Variants in PDE1A observed in about 807,000 individuals in gnomAD.
The protein encoded by PDE1A is phosphodiesterase 1A, also known as dual specificity calcium/calmodulin-dependent 3',5'-cyclic nucleotide phosphodiesterase 1A.
PDE1A carries 35 observed loss-of-function variants against 61.7 expected under a neutral mutation model. The observed-to-expected ratio is 0.57, with a 90% CI of 0.43 to 0.75. The LOEUF (loss-of-function observed/expected upper bound fraction) is 0.75. Among genes scored for constraint, PDE1A ranks in the 30% least tolerant of loss-of-function variants. The probability of loss-of-function intolerance (pLI) is 0.00; values close to 1 mark genes in which losing one functional copy is unlikely to be tolerated. For missense variants in PDE1A, 597 were observed against 630.6 expected, an observed-to-expected ratio of 0.95 and a Z score of 0.57; for synonymous variants, 232 against 213.2, an observed-to-expected ratio of 1.09 and a Z score of -0.77.
chr2:182,497,886 T>C (rs568549570), intron 2 of PDE1A, among the ~76,000 whole-genome samples: 2 of 149,406 alleles, frequency 1.3e-5, no homozygotes, highest in South Asian at 2.1e-4. Context: ...ACTGAAAAAA[T>C]ACAAAAAAAA....
intron 13 of PDE1A, among the ~76,000 whole-genome samples, chr2:182,161,815 G>T (rs1185471548): frequency 6.6e-6 from 1 of 152,070 alleles, no homozygotes; most frequent in Non-Finnish European, 1.5e-5. Flanking sequence ...AAAGAATAAG[G>T]TCAAATTTAT....
At chr2:182,597,656 A>G in the PDE1A span, among the ~76,000 whole-genome samples, 1 of 152,230 alleles carries the variant, frequency 6.6e-6, no homozygotes, top group African/African-American at 2.4e-5. Context: ...ACTTTTTCAC[A>G]TGTAAATAGA....
intron 2 of PDE1A, among the ~76,000 whole-genome samples, chr2:182,249,533 A>G (rs1384691077): frequency 6.6e-6 from 1 of 152,128 alleles, no homozygotes; most frequent in Non-Finnish European, 1.5e-5. Flanking sequence ...CCTGGGGCTA[A>G]AGGTGGTACT....
chr2:182,501,256 C>T (rs1689068378), intron 2 of PDE1A, among the ~76,000 whole-genome samples: 1 of 152,194 alleles, frequency 6.6e-6, no homozygotes, highest in Non-Finnish European at 1.5e-5. Flanking sequence ...CCTGTTGCTA[C>T]TGATCCATAC....
chr2:182,602,348 C>G, the PDE1A span, among the ~76,000 whole-genome samples: 1 of 152,254 alleles, frequency 6.6e-6, no homozygotes, highest in Non-Finnish European at 1.5e-5. Flanking sequence ...AGCATGATGA[C>G]AGCGGTTGTG....
chr2:182,637,923 A>G, the PDE1A span, among the ~76,000 whole-genome samples: 3 of 152,316 alleles, frequency 2.0e-5, no homozygotes, highest in South Asian at 6.2e-4. Context: ...CTCTGTCTCA[A>G]AAAAACAAAA....
chr2:182,322,317 G>A (rs576182848), intron 1 of PDE1A, among the ~76,000 whole-genome samples: 58 of 152,216 alleles, frequency 3.8e-4, no homozygotes, highest in Admixed American at 1.4e-3. Context: ...ATCTCATCTC[G>A]AATTGTAGCT....
At chr2:182,155,367 G>C (rs1691020998) in intron 13 of PDE1A, among the ~76,000 whole-genome samples, 1 of 152,054 alleles carries the variant, frequency 6.6e-6, no homozygotes, top group Admixed American at 6.6e-5. Context: ...GGGATTACGG[G>C]CATGAGCCAC....
chr2:182,460,870 G>A (rs1686238779), intron 2 of PDE1A, among the ~76,000 whole-genome samples: 1 of 152,096 alleles, frequency 6.6e-6, no homozygotes, highest in South Asian at 2.1e-4. Flanking sequence ...GGCAAAAACT[G>A]CAATGACTTT....
the PDE1A span, among the ~76,000 whole-genome samples, chr2:182,627,080 T>A: frequency 6.8e-4 from 17 of 24,880 alleles, 4 homozygotes; most frequent in Non-Finnish European, 1.1e-3. Flanking sequence ...TTATATATAA[T>A]ATAAATGATA....
chr2:182,202,588 A>G lies in PDE1A; in HGVS notation c.903-799T>C, dbSNP rs529705864. On this transcript the variant is annotated intron_variant, in intron 8 of 13. Coordinates refer to ENST00000351439, the Ensembl canonical transcript of PDE1A. ...ATTCAACGCAAGAGGTCCCACTTCCAAAGCAGACACATGGACCACTCCTCT... is the reference window on the plus strand; with the variant it reads ...ATTCAACGCAAGAGGTCCCACTTCCGAAGCAGACACATGGACCACTCCTCT... Among the ~76,000 whole-genome samples the G allele has an allele frequency of 3.6e-4, 55 of 152,290 alleles. 1 individual carries two copies. In the South Asian group the frequency reaches 1.0e-2, roughly 28 times the overall value.
intron 2 of PDE1A, among the ~76,000 whole-genome samples, chr2:182,488,626 A>T (rs1195142029): frequency 6.6e-6 from 1 of 152,242 alleles, no homozygotes; most frequent in East Asian, 1.9e-4. Context: ...TGCAAAATTA[A>T]CAGTTTTTGA....
the PDE1A span, among the ~76,000 whole-genome samples, chr2:182,651,238 C>T: frequency 1.3e-5 from 2 of 152,126 alleles, no homozygotes; most frequent in Non-Finnish European, 2.9e-5. Context: ...AACTCCTGAC[C>T]TCAAGTGGTC....
At chr2:182,195,649 AC>A (rs1285717335) in intron 10 of PDE1A, among the ~76,000 whole-genome samples, 2 of 152,116 alleles carry the variant, frequency 1.3e-5, no homozygotes, top group Non-Finnish European at 2.9e-5. Context: ...AATTTAAGAC[AC>A]AGTATTTAGC....
exon 2 of PDE1A, chr2:182,522,285 A>C: frequency 6.2e-7 from 1 of 1,612,994 alleles, no homozygotes; most frequent in Non-Finnish European, 8.5e-7. Context: ...CATTCCTTTC[A>C]GGCGCTGCCA....
the PDE1A span, among the ~76,000 whole-genome samples, chr2:182,681,955 TC>T: frequency 6.6e-6 from 1 of 152,326 alleles, no homozygotes; most frequent in African/African-American, 2.4e-5. Flanking sequence ...CTACTCTTTC[TC>T]TTTGATTATA....
At chr2:182,652,204 C>T in the PDE1A span, among the ~76,000 whole-genome samples, 1 of 152,120 alleles carries the variant, frequency 6.6e-6, no homozygotes, top group Non-Finnish European at 1.5e-5. Flanking sequence ...GCTTCTTTGC[C>T]AATGTTTTCT....
intron 1 of PDE1A, among the ~76,000 whole-genome samples, chr2:182,381,905 T>C (rs1700760304): frequency 6.6e-6 from 1 of 152,028 alleles, no homozygotes; most frequent in Admixed American, 6.6e-5. Flanking sequence ...TTTTATTTTA[T>C]TCTTACTGAA....
chr2:182,459,719 A>G (rs1165637570), intron 2 of PDE1A, among the ~76,000 whole-genome samples: 1 of 152,168 alleles, frequency 6.6e-6, no homozygotes, highest in Admixed American at 6.6e-5. Context: ...CCATAACAGG[A>G]ATAACTACCA....
Sources: gnomAD v4.1 joint callset for allele counts (sites outside exome capture counted in the v4.1 genomes callset) on GRCh38, gnomAD v4.1.1 for gene constraint, MANE v1.5 for transcripts, NCBI Gene and HGNC (gene_info 2026-07-23, HGNC 2026-07-21) for gene names.